Variants in NEDD4L observed in about 807,000 individuals in gnomAD.
The protein encoded by NEDD4L is E3 ubiquitin-protein ligase NEDD4-like.
A neutral mutation model predicts 148.9 loss-of-function variants in NEDD4L; 54 were observed. The ratio of observed to expected loss-of-function variants is 0.36; its 90% CI spans 0.29 to 0.45. The LOEUF is 0.45. Ranked by LOEUF, NEDD4L falls within the 20% of genes least tolerant of loss-of-function variation. The pLI is 1.00. For synonymous variants in NEDD4L, 433 were observed against 440.7 expected (o/e 0.98, Z 0.22); for missense variants, 856 against 1,233.8 (o/e 0.69, Z 4.59).
chr18:58,071,403 A>G (rs369251838), intron 1 of NEDD4L, among the ~76,000 whole-genome samples: 9 of 152,368 alleles, frequency 5.9e-5, no homozygotes, highest in African/African-American at 2.2e-4. Context: ...TTCTGGAGTC[A>G]TAAACTCTAG....
chr18:58,078,808 C>T (rs1166826883), intron 1 of NEDD4L, among the ~76,000 whole-genome samples: 4 of 152,120 alleles, frequency 2.6e-5, no homozygotes, highest in Non-Finnish European at 4.4e-5. Context: ...TGGTATTGGT[C>T]AGTCCGTTTC....
chr18:58,277,140 C>T (rs567444943), intron 5 of NEDD4L, among the ~76,000 whole-genome samples: 13 of 151,996 alleles, frequency 8.6e-5, no homozygotes, highest in South Asian at 4.2e-4. Context: ...TGGCTGTGGA[C>T]GGGGAATCCT....
At chr18:58,195,374 C>A (rs1288142698) in intron 2 of NEDD4L, 2 of 1,195,726 alleles carry the variant, frequency 1.7e-6, no homozygotes, top group East Asian at 5.7e-5. Flanking sequence ...ATTGGCTCTG[C>A]TGCCTCTGAT....
rs1357325521 is a variant in NEDD4L, at chr18:58,332,062, A to C, written c.990+1148A>C. On this transcript the variant is annotated intron_variant, in intron 11 of 30. Coordinates refer to ENST00000400345, the MANE Select transcript of NEDD4L (RefSeq NM_001144967.3). ...AAAACTGTTGTTATAGAAACAACAT[A>C]AACAATGAAGCCTTGTATTTAAAAC... 2.6e-5 allele frequency among the ~76,000 whole-genome samples: 4 copies of C among 152,252 alleles called. No homozygotes were observed. In the East Asian group the frequency reaches 7.7e-4, roughly 29 times the overall value.
chr18:58,213,146 G>C, intron 2 of NEDD4L, among the ~76,000 whole-genome samples: 1 of 107,220 alleles, frequency 9.3e-6, no homozygotes, highest in Non-Finnish European at 1.8e-5. Context: ...GTGAATTATG[G>C]GCAGTTGGGA....
intron 2 of NEDD4L, among the ~76,000 whole-genome samples, chr18:58,220,573 G>A (rs1055946406): frequency 1.3e-5 from 2 of 152,194 alleles, no homozygotes; most frequent in Admixed American, 6.5e-5. Flanking sequence ...GCGTTTGAAC[G>A]CTGGGGGGAA....
intron 5 of NEDD4L, among the ~76,000 whole-genome samples, chr18:58,278,618 C>T (rs984795762): frequency 2.0e-5 from 3 of 152,182 alleles, no homozygotes; most frequent in South Asian, 2.1e-4. Context: ...ACACTGGGCC[C>T]GTCCCTGCCT....
chr18:58,183,014 C>T (rs1257895347), intron 2 of NEDD4L, among the ~76,000 whole-genome samples: 3 of 152,154 alleles, frequency 2.0e-5, no homozygotes, highest in Non-Finnish European at 2.9e-5. Flanking sequence ...TCACTGGGAC[C>T]ACATCTTCCC....
intron 24 of NEDD4L, among the ~76,000 whole-genome samples, chr18:58,373,971 A>G (rs910680413): frequency 3.9e-5 from 6 of 152,210 alleles, no homozygotes; most frequent in African/African-American, 9.7e-5. Context: ...GGTGTTCTCA[A>G]TGTATTCTCT....
intron 13 of NEDD4L, among the ~76,000 whole-genome samples, chr18:58,339,928 T>C (rs1211628657): frequency 6.6e-6 from 1 of 152,216 alleles, no homozygotes; most frequent in African/African-American, 2.4e-5. Context: ...CTCAGCCTAA[T>C]AGCAAGAAAA....
intron 2 of NEDD4L, among the ~76,000 whole-genome samples, chr18:58,222,165 T>C (rs1361744383): frequency 6.6e-6 from 1 of 152,194 alleles, no homozygotes; most frequent in East Asian, 1.9e-4. Context: ...AAATCACAGG[T>C]TGAGGAGGAA....
intron 19 of NEDD4L, among the ~76,000 whole-genome samples, chr18:58,359,001 T>C (rs1052469073): frequency 2.0e-5 from 3 of 152,234 alleles, no homozygotes; most frequent in Admixed American, 6.5e-5. Context: ...ATGTTCTTTT[T>C]CTTTTTAAAA....
At chr18:58,246,335 G>C (rs2047261618) in intron 3 of NEDD4L, among the ~76,000 whole-genome samples, 1 of 151,958 alleles carries the variant, frequency 6.6e-6, no homozygotes, top group Non-Finnish European at 1.5e-5. Context: ...CAAAATACTT[G>C]GTTAGCTACA....
At chr18:58,221,949 A>G (rs906948695) in intron 2 of NEDD4L, among the ~76,000 whole-genome samples, 8 of 152,208 alleles carry the variant, frequency 5.3e-5, no homozygotes, top group African/African-American at 1.7e-4. Flanking sequence ...CTCCTTATGC[A>G]TAAAAAGAAT....
intron 16 of NEDD4L, among the ~76,000 whole-genome samples, chr18:58,346,145 C>T (rs2043036911): frequency 6.6e-6 from 1 of 152,108 alleles, no homozygotes; most frequent in African/African-American, 2.4e-5. Flanking sequence ...TGCTGGAGAC[C>T]AGGGGCTTGG....
At chr18:58,191,491 C>T (rs1018295558) in intron 2 of NEDD4L, among the ~76,000 whole-genome samples, 2 of 152,152 alleles carry the variant, frequency 1.3e-5, no homozygotes, top group African/African-American at 4.8e-5. Flanking sequence ...TTGGGTTTTG[C>T]AGGTAAGTTC....
At chr18:58,098,531 T>C (rs9966466) in intron 1 of NEDD4L, among the ~76,000 whole-genome samples, 7,233 of 152,226 alleles carry the variant, frequency 0.048, 587 homozygotes, top group African/African-American at 0.17. Flanking sequence ...TGCTTGGCCA[T>C]CTTCCAGCTG....
intron 2 of NEDD4L, among the ~76,000 whole-genome samples, chr18:58,224,601 G>A (rs899556481): frequency 6.6e-6 from 1 of 152,090 alleles, no homozygotes; most frequent in Non-Finnish European, 1.5e-5. Flanking sequence ...GTTCTCTTTG[G>A]GCACCGTCCT....
Position 58,094,900 on chromosome 18 carries a change from T to TTAAAAAAAA in NEDD4L, c.48+50192_48+50193insTAAAAAAAA, listed in dbSNP as rs751417792. 4.0e-3 allele frequency among the ~76,000 whole-genome samples: 521 copies of TTAAAAAAAA among 129,484 alleles called. 3 individuals carry two copies. The highest frequency in any genetic ancestry group is 0.014 in the African/African-American group (497 of 35,392). The allele number at this position is 129,484 out of a possible 152,430, so 84.9% of individuals were successfully genotyped here. On this transcript the variant is annotated intron_variant, in intron 1 of 30. Coordinates refer to ENST00000400345, the MANE Select transcript of NEDD4L (RefSeq NM_001144967.3). ...CGTGAATGCCTCTAGAAAGAGCACT[T>TTAAAAAAAA]AAAAAAAAAAAAAAAAAAGAAGGGA...
Sources: allele counts gnomAD v4.1 joint callset (sites outside exome capture counted in the v4.1 genomes callset), GRCh38; gene constraint gnomAD v4.1.1; transcripts MANE v1.5; gene names NCBI Gene and HGNC (gene_info 2026-07-23, HGNC 2026-07-21).